Variants in USP35 observed in about 807,000 individuals in gnomAD.
The protein encoded by USP35 is ubiquitin specific peptidase 35, also known as ubiquitin carboxyl-terminal hydrolase 35.
Under a neutral mutation model 83.8 loss-of-function variants are expected in USP35, and 69 were observed. That is an observed-to-expected ratio of 0.82 (90% CI 0.68 to 1.01). The LOEUF (loss-of-function observed/expected upper bound fraction) is 1.01, where lower values mean the gene tolerates loss of function less well. Ranked by LOEUF, USP35 falls within the 50% of genes least tolerant of loss-of-function variation. The pLI, the probability that USP35 is intolerant of heterozygous loss-of-function variation, is 0.00. For synonymous variants in USP35, 714 were observed against 589.5 expected (o/e 1.21, Z -3.06); for missense variants, 1,503 against 1,362.5 (o/e 1.10, Z -1.62).
chr11:78,223,135 C>A, the USP35 span, among the ~76,000 whole-genome samples: 1 of 152,168 alleles, frequency 6.6e-6, no homozygotes, highest in African/African-American at 2.4e-5. Context: ...TTGTAGCAGA[C>A]GAGGACCTTG....
intron 10 of USP35, among the ~76,000 whole-genome samples, chr11:78,211,563 CCCA>C (rs1863776137): frequency 6.6e-6 from 1 of 152,206 alleles, no homozygotes; most frequent in Admixed American, 6.5e-5. Context: ...AATTTACACT[CCCA>C]CCAACAGTGT....
chr11:78,199,600 TTGAC>T lies in USP35; in HGVS notation c.815_818del (p.Asp272GlyfsTer18), dbSNP rs1863272547. The T allele has an allele frequency of 1.9e-6, 3 of 1,614,140 alleles. No individual in the cohort carries two copies. The highest frequency in any genetic ancestry group is 2.2e-5 in the East Asian group (1 of 44,880). Reference sequence around the variant, plus strand: ...ACTGTCACTCCCCTCACCAGGATGATTGACTGGGTGTCCTGGCCCCTGGGGAAGA... The same window carrying T: ...ACTGTCACTCCCCTCACCAGGATGATTGGGTGTCCTGGCCCCTGGGGAAGA... On this transcript the variant is annotated frameshift_variant, in exon 4 of 11. Coordinates refer to ENST00000529308, the MANE Select transcript of USP35 (RefSeq NM_020798.4). LOFTEE classifies it high-confidence loss of function.
the USP35 span, among the ~76,000 whole-genome samples, chr11:78,227,678 T>C: frequency 6.8e-6 from 1 of 146,518 alleles, no homozygotes; most frequent in East Asian, 2.1e-4. Flanking sequence ...TGCACACCTG[T>C]AGTCCTAGCT....
At chr11:78,223,560 C>T in the USP35 span, 5 of 1,613,758 alleles carry the variant, frequency 3.1e-6, no homozygotes, top group African/African-American at 1.3e-5. Context: ...TGTAGACGCT[C>T]TGGGAATTAT....
At chr11:78,234,665 C>T in the USP35 span, among the ~76,000 whole-genome samples, 1 of 150,280 alleles carries the variant, frequency 6.7e-6, no homozygotes, top group African/African-American at 2.4e-5. Context: ...TATTTCTCTC[C>T]TGGACTTGCT....
At chr11:78,219,277 G>A (rs750329481), downstream of USP35, 2 of 1,613,256 alleles carry the variant, frequency 1.2e-6, no homozygotes, top group African/African-American at 2.7e-5. Context: ...TCTCATCACA[G>A]CTTGGCACCC....
At position 78,200,223 on chromosome 11, in the gene USP35, G is replaced by C; in HGVS notation, c.1027G>C (p.Ala343Pro). The change falls in exon 5 of 11, where the codon GCC becomes CCC. Residue 343 changes from alanine to proline, a missense_variant. Transcript: ENST00000529308. Reference protein sequence around the residue: ...MLLTFQHSHEAFHLLLPHIPP... With the variant: ...MLLTFQHSHEPFHLLLPHIPP... ...CCTGACCTTCCAGCACTCCCACGAA[G>C]CCTTCCACCTGGTAAGGTCCCCTGC... 1.2e-6 allele frequency: 2 copies of C among 1,613,760 alleles called. No homozygotes were observed. The highest frequency in any genetic ancestry group is 1.7e-6 in the Non-Finnish European group (2 of 1,180,002).
rs1863714540 is a variant in USP35 at position 78,210,390 on chromosome 11, T to C, written c.2535T>C (p.Tyr845=). The C allele has an allele frequency of 6.2e-7, 1 of 1,613,812 alleles. No homozygotes were observed. Residue 845 remains tyrosine, a synonymous_variant, in exon 10 of 11, where the codon TAT becomes TAC. Coordinates refer to ENST00000529308, the MANE Select transcript of USP35 (RefSeq NM_020798.4). The part of the protein sequence containing the change: ...LPLAGGRGQA[Y]DLCSVVVHSG... ...TGGCTGGTGGCCGTGGCCAGGCCTA[T>C]GACCTCTGCAGTGTGGTGGTGCACT... is the stretch of plus-strand genomic sequence containing the variant.
chr11:78,231,142 G>T, the USP35 span, among the ~76,000 whole-genome samples: 2 of 152,168 alleles, frequency 1.3e-5, no homozygotes, highest in Non-Finnish European at 2.9e-5. Flanking sequence ...GGCAGAGTTG[G>T]AGCAGGAAGA....
At chr11:78,231,780 T>C in the USP35 span, 1 of 152,250 alleles carries the variant, frequency 6.6e-6, no homozygotes, top group Non-Finnish European at 1.5e-5. Flanking sequence ...CCCACTGGAC[T>C]CCAAGAACCC....
At chr11:78,198,159 A>T in intron 3 of USP35, 91 bp downstream of exon 3, 1 of 1,572,856 alleles carries the variant, frequency 6.4e-7, no homozygotes. Context: ...CCGCTGGGCT[A>T]GATTTGGAGT....
downstream of USP35, chr11:78,218,968 G>C: frequency 3.1e-6 from 1 of 319,516 alleles, no homozygotes; most frequent in Admixed American, 4.5e-5. Flanking sequence ...AGAGAGTCAG[G>C]TCTAAAGGAC....
chr11:78,213,838 C>G lies in USP35; in HGVS notation c.*25C>G. ...ATGTGAACCTGCTGCCAACCTGACC[C>G]CTTCCCTCCAGGAGCCAGGTAGGGC... On this transcript the variant is annotated 3_prime_UTR_variant, in exon 11 of 11. Coordinates refer to ENST00000529308, the MANE Select transcript of USP35 (RefSeq NM_020798.4). 2 of 1,535,630 alleles carry G rather than the reference C, an allele frequency of 1.3e-6. No individual in the cohort carries two copies. The highest frequency in any genetic ancestry group is 2.6e-5 in the East Asian group (1 of 38,752).
the USP35 span, among the ~76,000 whole-genome samples, chr11:78,232,716 G>GT: frequency 6.6e-6 from 1 of 152,110 alleles, no homozygotes; most frequent in Admixed American, 6.5e-5. Context: ...TTAATTTACT[G>GT]TATCTTTACA....
At chr11:78,225,972 T>A in the USP35 span, among the ~76,000 whole-genome samples, 4 of 152,330 alleles carry the variant, frequency 2.6e-5, no homozygotes, top group Admixed American at 2.0e-4. Flanking sequence ...CAAGTAACAA[T>A]AGAATTTAGG....
intron 10 of USP35, among the ~76,000 whole-genome samples, chr11:78,212,406 T>A (rs1289082011): frequency 6.6e-6 from 1 of 152,226 alleles, no homozygotes; most frequent in Admixed American, 6.5e-5. Context: ...TTGCTTAGGA[T>A]GGTCTTGGCT....
downstream of USP35, chr11:78,216,506 A>G (rs188727651): frequency 3.3e-4 from 50 of 152,272 alleles, 1 homozygote; most frequent in Admixed American, 2.4e-3. Context: ...TTTGCTTTCA[A>G]AAGGTCAATT....
chr11:78,226,697 C>T, the USP35 span: 1 of 1,614,004 alleles, frequency 6.2e-7, no homozygotes, highest in South Asian at 1.1e-5. Flanking sequence ...TCCTAGGGAT[C>T]TGGTAGGCTG....
At chr11:78,220,432 A>AC in the USP35 span, 1 of 1,580,108 alleles carries the variant, frequency 6.3e-7, no homozygotes, top group Non-Finnish European at 8.7e-7. Context: ...GGAGATGCAG[A>AC]CACTGGGTTT....
Sources: allele counts gnomAD v4.1 joint callset (sites outside exome capture counted in the v4.1 genomes callset), GRCh38; gene constraint gnomAD v4.1.1; transcripts MANE v1.5; gene names NCBI Gene and HGNC (gene_info 2026-07-23, HGNC 2026-07-21).